PCSK6: variants seen among roughly 807,000 people sequenced by gnomAD.
PCSK6 encodes proprotein convertase subtilisin/kexin type 6, also known as paired basic amino acid cleaving enzyme 4.
Under a neutral mutation model 123.3 loss-of-function variants are expected in PCSK6, and 85 were observed. The ratio of observed to expected loss-of-function variants is 0.69; its 90% CI spans 0.58 to 0.83. The LOEUF (loss-of-function observed/expected upper bound fraction) is 0.83, where lower values mean the gene tolerates loss of function less well. PCSK6 is among the 40% of genes least tolerant of loss of function. The pLI, the probability that PCSK6 is intolerant of heterozygous loss-of-function variation, is 0.00. For synonymous variants in PCSK6, 508 were observed against 516.0 expected (o/e 0.98, Z 0.21); for missense variants, 1,191 against 1,282.3 (o/e 0.93, Z 1.09).
At chr15:101,381,966 T>C in intron 11 of PCSK6, 126 bp downstream of exon 11, 1 of 643,406 alleles carries the variant, frequency 1.6e-6, no homozygotes, top group Non-Finnish European at 2.8e-6. Context: ...TGTGCAGGCA[T>C]GCATCGTGCA....
At position 101,317,812 on chromosome 15, in the gene PCSK6, G is replaced by A. The variant is rs1023963070; in HGVS notation, c.2569+507C>T. Among the ~76,000 whole-genome samples the A allele has an allele frequency of 4.6e-5, 7 of 152,254 alleles. No homozygotes were observed. In the South Asian group the frequency reaches 1.5e-3, roughly 32 times the overall value. On this transcript the variant is annotated intron_variant, in intron 19 of 21. Coordinates refer to ENST00000611716, the MANE Select transcript of PCSK6 (RefSeq NM_002570.5). ...AAAGTGGGCCTTTGCATTGTTTTGG[G>A]ATTTTGTTTCAAATTTAAAAACATG...
intron 1 of PCSK6, among the ~76,000 whole-genome samples, chr15:101,470,458 T>C (rs1281254959): frequency 6.6e-6 from 1 of 152,220 alleles, no homozygotes; most frequent in African/African-American, 2.4e-5. Flanking sequence ...AAGATTATTT[T>C]ATTTCAGAAA....
intron 13 of PCSK6, among the ~76,000 whole-genome samples, chr15:101,335,502 T>C (rs576216183): frequency 1.2e-3 from 181 of 152,362 alleles, no homozygotes; most frequent in African/African-American, 4.2e-3. Context: ...ATGGGCAATG[T>C]TGGTTCCCCG....
Position 101,324,461 on chromosome 15 carries a change from G to T in PCSK6, c.2377+389C>A, listed in dbSNP as rs115118257. On this transcript the variant is annotated intron_variant, in intron 17 of 21. Transcript: ENST00000611716. ...CGATGGCATAGTCTTTCCTGGAGGA[G>T]AAATTACAGCACAGACAGCAGGACC... Among the ~76,000 whole-genome samples, 1,054 of 152,324 alleles carry T rather than the reference G, an allele frequency of 6.9e-3. 9 individuals are homozygous for T. The highest frequency in any genetic ancestry group is 0.024 in the African/African-American group (991 of 41,570).
At chr15:101,324,713 C>T in intron 17 of PCSK6, 137 bp downstream of exon 17, 2 of 691,336 alleles carry the variant, frequency 2.9e-6, no homozygotes, top group East Asian at 2.7e-5. Flanking sequence ...CTGCCTCCTT[C>T]CCTGTTCAAA....
In PCSK6 at chr15:101,354,412, TTCAG is replaced by T. The variant is rs1270553637; in HGVS notation, c.1858+11780_1858+11783del. 7.9e-5 allele frequency among the ~76,000 whole-genome samples: 12 copies of T among 152,352 alleles called. No homozygotes were observed. The South Asian group carries it at 1.4e-3, about 18-fold the overall frequency. On this transcript the variant is annotated intron_variant, in intron 13 of 21. Transcript: ENST00000611716. ...ACGTCCAGTAACTGTCTAGAGCACC[TTCAG>T]TCAAACGTAAAAGAAACTACGTGTC...
chr15:101,362,619 G>A (rs560924824), intron 13 of PCSK6, among the ~76,000 whole-genome samples: 77 of 152,286 alleles, frequency 5.1e-4, no homozygotes, highest in African/African-American at 1.7e-3. Context: ...TAGAGGGGGT[G>A]AGCTGCCAAC....
chr15:101,456,405 C>T (rs2141190090), intron 1 of PCSK6, among the ~76,000 whole-genome samples: 1 of 152,340 alleles, frequency 6.6e-6, no homozygotes, highest in Middle Eastern at 3.4e-3. Context: ...AACCCTTGTC[C>T]TTGTTTTCTC....
At chr15:101,378,055 G>A (rs560483769) in intron 11 of PCSK6, among the ~76,000 whole-genome samples, 18 of 152,302 alleles carry the variant, frequency 1.2e-4, no homozygotes, top group Admixed American at 2.0e-4. Context: ...AGAAGCACTG[G>A]CTAGAAAAAT....
chr15:101,469,794 C>T (rs1488919718), intron 1 of PCSK6, among the ~76,000 whole-genome samples: 1 of 152,188 alleles, frequency 6.6e-6, no homozygotes, highest in Non-Finnish European at 1.5e-5. Context: ...TTCAAATCGG[C>T]CAACACAAAA....
intron 7 of PCSK6, among the ~76,000 whole-genome samples, chr15:101,394,678 G>C (rs957726116): frequency 7.2e-5 from 11 of 152,214 alleles, no homozygotes; most frequent in African/African-American, 2.7e-4. Context: ...TCCCCGTAGA[G>C]CCAAATTGAA....
chr15:101,483,211 A>G (rs2057934441), intron 1 of PCSK6, among the ~76,000 whole-genome samples: 1 of 152,200 alleles, frequency 6.6e-6, no homozygotes, highest in South Asian at 2.1e-4. Flanking sequence ...TGTCCCTACC[A>G]AACCCCTGAC....
chr15:101,396,829 C>A (rs1215104284), intron 7 of PCSK6, among the ~76,000 whole-genome samples: 1 of 152,032 alleles, frequency 6.6e-6, no homozygotes, highest in African/African-American at 2.4e-5. Flanking sequence ...TGTGTGCGTG[C>A]GTGTGTGTGT....
intron 19 of PCSK6, among the ~76,000 whole-genome samples, chr15:101,317,507 C>A (rs1013011300): frequency 4.2e-4 from 51 of 120,370 alleles, no homozygotes; most frequent in African/African-American, 2.2e-3. Context: ...TTATAGAATT[C>A]TTTTCCTCTT....
At chr15:101,437,492 G>A (rs1005828426) in intron 2 of PCSK6, among the ~76,000 whole-genome samples, 5 of 152,032 alleles carry the variant, frequency 3.3e-5, no homozygotes, top group African/African-American at 7.3e-5. Flanking sequence ...ACCACCTCCC[G>A]TGTCATCCAG....
At chr15:101,361,255 T>C (rs2041214480) in intron 13 of PCSK6, among the ~76,000 whole-genome samples, 1 of 152,116 alleles carries the variant, frequency 6.6e-6, no homozygotes, top group African/African-American at 2.4e-5. Context: ...TTTTAAATCT[T>C]GATTATCTCT....
intron 9 of PCSK6, among the ~76,000 whole-genome samples, chr15:101,386,954 T>A (rs1268943539): frequency 2.0e-5 from 3 of 152,176 alleles, no homozygotes; most frequent in African/African-American, 4.8e-5. Context: ...CTCGGCCCCC[T>A]CTTTGCCTGT....
intron 12 of PCSK6, 81 bp from the exon 13 acceptor site, chr15:101,366,413 T>G: frequency 1.4e-6 from 2 of 1,455,404 alleles, no homozygotes; most frequent in Non-Finnish European, 1.9e-6. Context: ...AGCAGGGCTC[T>G]CGGGGGACTG....
At chr15:101,427,471 G>A (rs2056297240) in intron 6 of PCSK6, among the ~76,000 whole-genome samples, 1 of 152,212 alleles carries the variant, frequency 6.6e-6, no homozygotes, top group African/African-American at 2.4e-5. Flanking sequence ...GGCAGGAGAA[G>A]TGGGCCAGCA....
Sources: gnomAD v4.1 joint callset for allele counts (sites outside exome capture counted in the v4.1 genomes callset) on GRCh38, gnomAD v4.1.1 for gene constraint, MANE v1.5 for transcripts, NCBI Gene and HGNC (gene_info 2026-07-23, HGNC 2026-07-21) for gene names.